AKR1A1: variants seen among roughly 807,000 people sequenced by gnomAD.
AKR1A1 encodes aldo-keto reductase family 1 member A1.
AKR1A1 carries 26 observed loss-of-function variants against 39.2 expected under a neutral mutation model. The observed-to-expected ratio is 0.66, with a 90% CI of 0.49 to 0.92. The LOEUF is 0.92. Among genes scored for constraint, AKR1A1 ranks in the 40% least tolerant of loss-of-function variants. The pLI, the probability that AKR1A1 is intolerant of heterozygous loss-of-function variation, is 0.00. For synonymous variants in AKR1A1, 141 were observed against 155.5 expected (o/e 0.91, Z 0.69); for missense variants, 378 against 406.5 (o/e 0.93, Z 0.60).
chr1:45,567,981 G>C lies in AKR1A1; in HGVS notation c.357-1G>C. ...ACTTGGTGGGGCTGTCTCTCACTCAGGCGGGGAGACAACCCCTTCCCCAAG... is the reference window on the plus strand; with the variant it reads ...ACTTGGTGGGGCTGTCTCTCACTCACGCGGGGAGACAACCCCTTCCCCAAG... On this transcript the variant is annotated splice_acceptor_variant, in intron 4 of 8. Coordinates refer to ENST00000351829, the MANE Select transcript of AKR1A1 (RefSeq NM_153326.3). LOFTEE classifies it high-confidence loss of function. 1 of 1,610,274 alleles carries C rather than the reference G, an allele frequency of 6.2e-7. No homozygotes were observed. Among genetic ancestry groups the C allele is most frequent in the Non-Finnish European group, 8.5e-7 (1 of 1,177,410 alleles).
At chr1:45,567,153 G>A in intron 4 of AKR1A1, 133 bp downstream of exon 4, 1 of 1,253,300 alleles carries the variant, frequency 8.0e-7, no homozygotes, top group Admixed American at 2.3e-5. Flanking sequence ...GCTTGACATG[G>A]GATCTTAGCC....
intron 2 of AKR1A1, 149 bp from the exon 3 acceptor site, chr1:45,566,420 G>A (rs559085348): frequency 2.0e-5 from 25 of 1,233,436 alleles, no homozygotes; most frequent in African/African-American, 3.0e-5. Flanking sequence ...GAGCCACCGC[G>A]CCCAGTTCAT....
At chr1:45,569,077 A>G (rs1185251004) in intron 7 of AKR1A1, 66 bp from the exon 8 acceptor site, 2 of 1,602,748 alleles carry the variant, frequency 1.2e-6, no homozygotes, top group African/African-American at 2.7e-5. Flanking sequence ...CTAAAAAGGC[A>G]GTGTTGTGGA....
chr1:45,550,926 G>A lies in AKR1A1; in HGVS notation c.-236G>A, dbSNP rs1644121182. ...TCGACCTCGAGGATCCAGAGGTGGA[G>A]ACGGTACTACCTCCCAGCTCTGTTT... On this transcript the variant is annotated 5_prime_UTR_variant, in exon 1 of 9. Coordinates refer to ENST00000351829, the MANE Select transcript of AKR1A1 (RefSeq NM_153326.3). 6.6e-6 allele frequency: 1 copy of A among 152,374 alleles called. No individual in the cohort carries two copies. Among genetic ancestry groups the A allele is most frequent in the African/African-American group, 2.4e-5 (1 of 41,470 alleles). The allele number at this position is 152,374 out of a possible 1,614,324, so 9.4% of individuals were successfully genotyped here. A position where few individuals can be genotyped will look rare whatever the true frequency, so the allele number is the denominator to read the frequency against.
chr1:45,566,773 G>A (rs537270740), intron 3 of AKR1A1, 85 bp downstream of exon 3: 12 of 1,595,744 alleles, frequency 7.5e-6, no homozygotes, highest in African/African-American at 6.7e-5. Context: ...AGGGAATCTG[G>A]CATCAGCTTC....
At chr1:45,561,413 T>C (rs1050465292) in intron 1 of AKR1A1, among the ~76,000 whole-genome samples, 1 of 119,298 alleles carries the variant, frequency 8.4e-6, no homozygotes, top group African/African-American at 3.3e-5. Flanking sequence ...GCCCATGCTT[T>C]GTAGTAGTGA....
At chr1:45,569,374 C>T in intron 8 of AKR1A1, 145 bp downstream of exon 8, 2 of 697,560 alleles carry the variant, frequency 2.9e-6, no homozygotes, top group Non-Finnish European at 5.1e-6. Flanking sequence ...GCCCTCATTT[C>T]TCTTTATTGA....
At chr1:45,560,583 C>T (rs1644264500) in intron 1 of AKR1A1, among the ~76,000 whole-genome samples, 1 of 152,210 alleles carries the variant, frequency 6.6e-6, no homozygotes, top group Non-Finnish European at 1.5e-5. Flanking sequence ...GTTCTCCAAC[C>T]TAGGAGACAG....
intron 1 of AKR1A1, among the ~76,000 whole-genome samples, chr1:45,561,151 T>C (rs955751667): frequency 1.3e-5 from 2 of 152,204 alleles, no homozygotes; most frequent in African/African-American, 4.8e-5. Context: ...TGCCTTACAC[T>C]GGCTTGAGAC....
rs1361954225 is a variant in AKR1A1 at position 45,561,851 on chromosome 1, G to C, written c.57G>C (p.Leu19=). The change falls in exon 2 of 9, where the codon CTG becomes CTC. Residue 19 remains leucine, a synonymous_variant. Transcript: ENST00000351829. ...GGCAGAAGATGCCTCTGATTGGTCT[G>C]GGTACCTGGAAGAGTGAGCCTGGTC... ...HTGQKMPLIG[L]GTWKSEPGQV... is the part of the protein sequence containing the mutation. The C allele has an allele frequency of 6.2e-7, 1 of 1,614,128 alleles. No individual in the cohort carries two copies. The highest frequency in any genetic ancestry group is 8.5e-7 in the Non-Finnish European group (1 of 1,180,014).
chr1:45,558,057 C>T (rs1185346874), intron 1 of AKR1A1, among the ~76,000 whole-genome samples: 1 of 150,754 alleles, frequency 6.6e-6, no homozygotes, highest in East Asian at 2.0e-4. Flanking sequence ...TTAAGGTGTG[C>T]ACCACCATGT....
In AKR1A1 at chr1:45,555,171, C is replaced by T. The variant is rs116055221; in HGVS notation, c.-7+4016C>T. On this transcript the variant is annotated intron_variant, in intron 1 of 8. Coordinates refer to ENST00000351829, the MANE Select transcript of AKR1A1 (RefSeq NM_153326.3). ...ATCAAAAATACTTGGGAACAAAAAC[C>T]AACTTTAAAAATTCAAATAAAAAAA... 3.1e-3 allele frequency among the ~76,000 whole-genome samples: 465 copies of T among 152,204 alleles called. 5 individuals carry two copies. Among genetic ancestry groups the T allele is most frequent in the East Asian group, 0.022 (114 of 5,184 alleles).
intron 3 of AKR1A1, 48 bp from the exon 4 acceptor site, chr1:45,566,820 AC>A: frequency 6.2e-7 from 1 of 1,601,946 alleles, no homozygotes; most frequent in Non-Finnish European, 8.5e-7. Context: ...GGTGGGTGAG[AC>A]CACGTGCTCA....
chr1:45,562,913 A>G (rs1448760978), intron 2 of AKR1A1, among the ~76,000 whole-genome samples: 3 of 151,628 alleles, frequency 2.0e-5, no homozygotes, highest in African/African-American at 7.3e-5. Context: ...TGAGCCCAGG[A>G]ATTTGAGACC....
chr1:45,553,257 A>T (rs1644156791), intron 1 of AKR1A1, among the ~76,000 whole-genome samples: 1 of 151,816 alleles, frequency 6.6e-6, no homozygotes. Flanking sequence ...CCCCGTCTCT[A>T]CTAAAAATAC....
At chr1:45,564,265 G>A (rs909520156) in intron 2 of AKR1A1, among the ~76,000 whole-genome samples, 1 of 152,118 alleles carries the variant, frequency 6.6e-6, no homozygotes, top group Admixed American at 6.5e-5. Context: ...AGGGTTGGGG[G>A]CCACAGACAA....
Position 45,559,186 on chromosome 1 carries a change from T to G in AKR1A1, c.-6-2603T>G, listed in dbSNP as rs916703437. ...GTGTACTGATATCACCTGTTCCCAT[T>G]ACAAGACCATAAACTGAAGGAAGGC... On this transcript the variant is annotated intron_variant, in intron 1 of 8. Coordinates refer to ENST00000351829, the MANE Select transcript of AKR1A1 (RefSeq NM_153326.3). Among the ~76,000 whole-genome samples the G allele has an allele frequency of 3.5e-4, 54 of 152,222 alleles. 5 individuals are homozygous for G. Among genetic ancestry groups the G allele is most frequent in the Non-Finnish European group, 5.9e-5 (4 of 68,046 alleles).
In AKR1A1 at chr1:45,566,643, G is replaced by A. The variant is rs565940200; in HGVS notation, c.159G>A (p.Glu53=). 1.2e-6 allele frequency: 2 copies of A among 1,614,264 alleles called. No individual in the cohort carries two copies. The highest frequency in any genetic ancestry group is 2.2e-5 in the South Asian group (2 of 91,086). Residue 53 remains glutamate, a synonymous_variant, in exon 3 of 9, where the codon GAG becomes GAA. Coordinates refer to ENST00000351829, the MANE Select transcript of AKR1A1 (RefSeq NM_153326.3). ...ATTGTGCTGCTATCTACGGCAATGAGCCTGAGATTGGGGAGGCCCTGAAGG... is the reference window on the plus strand; with the variant it reads ...ATTGTGCTGCTATCTACGGCAATGAACCTGAGATTGGGGAGGCCCTGAAGG... ...HIDCAAIYGN[E]PEIGEALKED... is the part of the protein sequence containing the mutation.
chr1:45,563,596 C>A (rs1053540764), intron 2 of AKR1A1, among the ~76,000 whole-genome samples: 3 of 151,752 alleles, frequency 2.0e-5, no homozygotes, highest in Non-Finnish European at 4.4e-5. Flanking sequence ...TCGAGACCAG[C>A]CTGACCAACA....
Sources: gnomAD v4.1 joint callset for allele counts (sites outside exome capture counted in the v4.1 genomes callset) on GRCh38, gnomAD v4.1.1 for gene constraint, MANE v1.5 for transcripts, NCBI Gene and HGNC (gene_info 2026-07-23, HGNC 2026-07-21) for gene names.